Variants in COL27A1 observed in about 807,000 individuals in gnomAD.
The protein encoded by COL27A1 is collagen type XXVII alpha 1 chain.
COL27A1 carries 106 observed loss-of-function variants against 251.3 expected under a neutral mutation model. The observed-to-expected ratio is 0.42, with a 90% confidence interval of 0.36 to 0.50. The LOEUF is 0.50. Among genes scored for constraint, COL27A1 ranks in the 20% least tolerant of loss-of-function variants. The pLI, the probability that COL27A1 is intolerant of heterozygous loss-of-function variation, is 0.00. For missense variants in COL27A1, 2,325 were observed against 2,522.8 expected (o/e 0.92, Z 1.68); for synonymous variants, 1,000 against 986.3 (o/e 1.01, Z -0.26).
rs202121249 is a variant in COL27A1, at chr9:114,300,137, C to T, written c.4638+14C>T. 3.0e-5 allele frequency: 49 copies of T among 1,612,856 alleles called. No individual in the cohort carries two copies. Among genetic ancestry groups the T allele is most frequent in the Non-Finnish European group, 3.9e-5 (46 of 1,178,974 alleles). The stretch of plus-strand genomic sequence containing the variant: ...TTCGGACCCAAGGTATGGACTCCCA[C>T]GGCTCACTGTTCCTGTGGGGTCCCA... On this transcript the variant is annotated intron_variant, in intron 50 of 60. Coordinates refer to ENST00000356083, the MANE Select transcript of COL27A1 (RefSeq NM_032888.4).
At chr9:114,193,507 G>A (rs1420118456) in intron 5 of COL27A1, among the ~76,000 whole-genome samples, 2 of 152,242 alleles carry the variant, frequency 1.3e-5, no homozygotes, top group Non-Finnish European at 1.5e-5. Context: ...ATCCTGGAAC[G>A]CAGGTCTGGG....
intron 19 of COL27A1, among the ~76,000 whole-genome samples, chr9:114,239,920 C>T (rs1677397898): frequency 1.3e-5 from 2 of 152,126 alleles, no homozygotes; most frequent in South Asian, 4.2e-4. Flanking sequence ...TAATTCTGAC[C>T]CAGTAGCAGC....
intron 34 of COL27A1, 131 bp from the exon 35 acceptor site, chr9:114,269,110 C>T (rs1301027262): frequency 3.6e-6 from 2 of 559,016 alleles, no homozygotes; most frequent in East Asian, 3.1e-5. Flanking sequence ...CTCTGTGGTC[C>T]CTGGGAAGAA....
At chr9:114,217,108 T>C (rs1008350152) in intron 12 of COL27A1, among the ~76,000 whole-genome samples, 1 of 152,188 alleles carries the variant, frequency 6.6e-6, no homozygotes, top group Non-Finnish European at 1.5e-5. Flanking sequence ...GTCACGCTGT[T>C]GGGGTTTACT....
chr9:114,185,984 G>T (rs1057361001), intron 5 of COL27A1, among the ~76,000 whole-genome samples: 2 of 152,216 alleles, frequency 1.3e-5, no homozygotes, highest in South Asian at 2.1e-4. Context: ...TCATCCCTCC[G>T]GAGGGTGCAG....
chr9:114,216,360 G>A (rs971610130), intron 12 of COL27A1, among the ~76,000 whole-genome samples: 2 of 152,252 alleles, frequency 1.3e-5, no homozygotes, highest in African/African-American at 4.8e-5. Flanking sequence ...TGGCCAGGCT[G>A]GGCATGCATG....
intron 14 of COL27A1, among the ~76,000 whole-genome samples, chr9:114,225,809 G>A (rs1200847163): frequency 1.3e-5 from 2 of 152,196 alleles, no homozygotes; most frequent in African/African-American, 2.4e-5. Flanking sequence ...TCCGTCCCCC[G>A]GGTCCCTGCA....
rs1588880351 is a variant in COL27A1, at chr9:114,290,014, A to C, written c.4207-44A>C. On this transcript the variant is annotated intron_variant, in intron 45 of 60. Transcript: ENST00000356083. This position sits in a 1 kb window ranked among gnomAD's most constrained non-coding sequence, Gnocchi z 4.6. ...CCTTCCAGAGCCCCTAGGGTCCCAC[A>C]CCTCTACCAGGCAGCCTCCATCATG... The C allele has an allele frequency of 6.2e-7, 1 of 1,607,544 alleles. No individual in the cohort carries two copies. Among genetic ancestry groups the C allele is most frequent in the South Asian group, 1.1e-5 (1 of 90,880 alleles).
In COL27A1 at chr9:114,231,862, A is replaced by G. The variant is rs1391122145; in HGVS notation, c.2561A>G (p.Asp854Gly). Residue 854 changes from aspartate to glycine, a missense_variant, in exon 16 of 61, where the codon GAT (aspartate) becomes GGT (glycine). By Grantham distance (94) the Asp-to-Gly change is moderately conservative (BLOSUM62 -1). Coordinates refer to ENST00000356083, the MANE Select transcript of COL27A1 (RefSeq NM_032888.4). ...GTGGGGGAGCCCGGACTGAAAGGTG[A>G]TAAGGTGATCTGAATACTCCCTTAT... ...GSVGEPGLKG[D>G]KGEQGVPGVS... is the part of the protein sequence containing the mutation. 2.5e-6 allele frequency: 4 copies of G among 1,613,990 alleles called. No individual in the cohort carries two copies. The highest frequency in any genetic ancestry group is 3.4e-6 in the Non-Finnish European group (4 of 1,180,014).
At chr9:114,156,692 T>C (rs1027023201) in intron 1 of COL27A1, among the ~76,000 whole-genome samples, 4 of 151,934 alleles carry the variant, frequency 2.6e-5, no homozygotes, top group African/African-American at 4.8e-5. Context: ...AACCCCTCAG[T>C]GTACAGATCG....
intron 5 of COL27A1, among the ~76,000 whole-genome samples, chr9:114,194,076 G>A (rs74397452): frequency 6.6e-6 from 1 of 152,300 alleles, no homozygotes; most frequent in East Asian, 1.9e-4. Flanking sequence ...GTGGTTTGAG[G>A]ATAGAGCAGA....
intron 27 of COL27A1, among the ~76,000 whole-genome samples, chr9:114,256,144 TATCA>T (rs995594183): frequency 4.0e-4 from 61 of 152,368 alleles, no homozygotes; most frequent in Admixed American, 4.0e-3. Context: ...TTTCCCACTT[TATCA>T]ATCACTTTCA....
intron 14 of COL27A1, among the ~76,000 whole-genome samples, chr9:114,227,101 T>C (rs558196658): frequency 2.0e-5 from 3 of 152,062 alleles, no homozygotes; most frequent in Non-Finnish European, 2.9e-5. Flanking sequence ...AGTGGCTAAG[T>C]ATGTCACAGC....
intron 7 of COL27A1, among the ~76,000 whole-genome samples, chr9:114,196,883 C>T (rs185213473): frequency 2.0e-5 from 3 of 152,226 alleles, no homozygotes; most frequent in Admixed American, 2.0e-4. Flanking sequence ...GTGCCTACTC[C>T]AGGAAGTCCT....
At chr9:114,157,744 T>C (rs2808781) in intron 1 of COL27A1, among the ~76,000 whole-genome samples, 75,013 of 152,054 alleles carry the variant, frequency 0.49, 18,997 homozygotes, top group South Asian at 0.61. Flanking sequence ...AGGAGGGCCA[T>C]GAGGCTTGCC....
chr9:114,257,178 C>T (rs1361781677), intron 27 of COL27A1, among the ~76,000 whole-genome samples: 1 of 152,186 alleles, frequency 6.6e-6, no homozygotes, highest in Non-Finnish European at 1.5e-5. Flanking sequence ...TCTGAGGCAC[C>T]AGATGGGGCT....
intron 5 of COL27A1, among the ~76,000 whole-genome samples, chr9:114,193,190 G>A (rs892402563): frequency 6.6e-6 from 1 of 152,120 alleles, no homozygotes; most frequent in African/African-American, 2.4e-5. Context: ...ATAGGAATGG[G>A]GACAAAGATT....
At chr9:114,196,714 A>G (rs893182516) in intron 7 of COL27A1, among the ~76,000 whole-genome samples, 1 of 152,110 alleles carries the variant, frequency 6.6e-6, no homozygotes, top group Non-Finnish European at 1.5e-5. Context: ...CGCCCATCCC[A>G]TCCCCATTTC....
At chr9:114,236,880 C>A in intron 17 of COL27A1, 101 bp from the exon 18 acceptor site, 2 of 1,039,038 alleles carry the variant, frequency 1.9e-6, no homozygotes, top group Non-Finnish European at 3.0e-6. Context: ...TCCTCCAAGG[C>A]GGGCGTTCTC....
Sources: gnomAD v4.1 joint callset for allele counts (sites outside exome capture counted in the v4.1 genomes callset) on GRCh38, gnomAD v4.1.1 for gene constraint, Gnocchi (gnomAD v3.1) non-coding constraint, MANE v1.5 for transcripts, NCBI Gene and HGNC (gene_info 2026-07-23, HGNC 2026-07-21) for gene names.